The following PCLO variants were observed in gnomAD, a reference collection of about 807,000 sequenced individuals.
PCLO encodes the protein protein piccolo.
Under a neutral mutation model 427.5 loss-of-function variants are expected in PCLO, and 82 were observed. The ratio of observed to expected loss-of-function variants is 0.19; its 90% CI spans 0.16 to 0.23. PCLO has a LOEUF of 0.23. Among genes scored for constraint, PCLO ranks in the 10% least tolerant of loss-of-function variants. The pLI, the probability that PCLO is intolerant of heterozygous loss-of-function variation, is 1.00. For synonymous variants in PCLO, 2,357 were observed against 2,155.4 expected (o/e 1.09, Z -2.59); for missense variants, 6,239 against 6,115.9 (o/e 1.02, Z -0.67).
chr7:82,890,776 G>A (rs368305499), intron 9 of PCLO, among the ~76,000 whole-genome samples: 3 of 151,664 alleles, frequency 2.0e-5, no homozygotes, highest in African/African-American at 7.2e-5. Flanking sequence ...TTCTATTTTA[G>A]GCTTGTAGAT....
intron 22 of PCLO, among the ~76,000 whole-genome samples, chr7:82,781,135 G>T (rs1790863592): frequency 6.6e-6 from 1 of 151,382 alleles, no homozygotes; most frequent in Non-Finnish European, 1.5e-5. Flanking sequence ...AAAATCAATA[G>T]ATTTAAAAAA....
chr7:82,900,850 T>C (rs1794021006), intron 9 of PCLO, among the ~76,000 whole-genome samples: 1 of 151,716 alleles, frequency 6.6e-6, no homozygotes, highest in African/African-American at 2.4e-5. Flanking sequence ...GGGCAAAGAG[T>C]GGGCAAAAGG....
intron 3 of PCLO, among the ~76,000 whole-genome samples, chr7:82,980,588 A>G (rs749511352): frequency 2.0e-5 from 3 of 152,202 alleles, no homozygotes; most frequent in Non-Finnish European, 4.4e-5. Flanking sequence ...AATTTAAAAT[A>G]GAATTCCCAT....
chr7:82,780,394 A>G (rs1424537225), intron 22 of PCLO, among the ~76,000 whole-genome samples: 2 of 152,146 alleles, frequency 1.3e-5, no homozygotes, highest in Non-Finnish European at 2.9e-5. Context: ...TCCTTTGAAA[A>G]CCTGCTATCA....
chr7:83,115,246 A>C (rs1466022635), intron 3 of PCLO, among the ~76,000 whole-genome samples: 1 of 152,086 alleles, frequency 6.6e-6, no homozygotes, highest in Non-Finnish European at 1.5e-5. Context: ...GAGTAATTCT[A>C]TTTTTAGCAG....
chr7:82,786,230 T>G (rs1191184511), intron 22 of PCLO, among the ~76,000 whole-genome samples: 4 of 152,100 alleles, frequency 2.6e-5, no homozygotes, highest in Non-Finnish European at 5.9e-5. Flanking sequence ...GAGACAGTGA[T>G]TAGAAGAATA....
chr7:83,079,270 C>A (rs1368599775), intron 3 of PCLO, among the ~76,000 whole-genome samples: 1 of 152,112 alleles, frequency 6.6e-6, no homozygotes, highest in Non-Finnish European at 1.5e-5. Flanking sequence ...TCACTTAAAA[C>A]CAACATAAAA....
intron 3 of PCLO, among the ~76,000 whole-genome samples, chr7:83,031,211 A>G (rs990246391): frequency 1.3e-5 from 2 of 152,320 alleles, no homozygotes; most frequent in South Asian, 4.1e-4. Flanking sequence ...AACTATATCA[A>G]TTTAACAATT....
chr7:83,023,136 A>G (rs1233212181), intron 3 of PCLO, among the ~76,000 whole-genome samples: 1 of 152,216 alleles, frequency 6.6e-6, no homozygotes, highest in Non-Finnish European at 1.5e-5. Flanking sequence ...AAAAAAAGTC[A>G]ATTTTAAAAC....
At chr7:83,025,978 C>G (rs890924482) in intron 3 of PCLO, among the ~76,000 whole-genome samples, 20 of 151,944 alleles carry the variant, frequency 1.3e-4, no homozygotes, top group African/African-American at 3.6e-4. Context: ...AAGGAACAAC[C>G]GGTACCAGCC....
Position 82,966,440 on chromosome 7 carries a change from T to A in PCLO, c.3348A>T (p.Ser1116=). The A allele has an allele frequency of 6.2e-7, 1 of 1,601,482 alleles. No individual in the cohort carries two copies. Residue 1116 remains serine, a synonymous_variant, in exon 4 of 25, where the codon TCA becomes TCT. Coordinates refer to ENST00000333891, the MANE Select transcript of PCLO (RefSeq NM_033026.6). ...TTTTGCGTATGTCTCCAAGCTGTCCTGATATTGCTCTCTGGGTTTGGCAAT... is the reference window on the plus strand; with the variant it reads ...TTTTGCGTATGTCTCCAAGCTGTCCAGATATTGCTCTCTGGGTTTGGCAAT... The part of the protein sequence containing the change: ...CLNCQTQRAI[S]GQLGDIRKMP...
chr7:82,972,552 T>G (rs1795929559), intron 3 of PCLO, among the ~76,000 whole-genome samples: 1 of 152,074 alleles, frequency 6.6e-6, no homozygotes, highest in Non-Finnish European at 1.5e-5. Flanking sequence ...CATTCATATT[T>G]GTGTTGGAGA....
rs914950944 is a variant in PCLO, at chr7:82,757,234, C to T, written c.*1341G>A. The T allele has an allele frequency of 9.2e-5, 14 of 152,116 alleles. No homozygotes were observed. The highest frequency in any genetic ancestry group is 2.6e-4 in the Admixed American group (4 of 15,262). 9.4% of individuals were successfully genotyped at this position (152,116 alleles called of 1,614,324 possible). On this transcript the variant is annotated 3_prime_UTR_variant, in exon 25 of 25. Transcript: ENST00000333891. ...GCTGAGTGTTTTTTCCACAACTTCA[C>T]GTTACTTCCTTAATTAATAATGCTG...
intron 20 of PCLO, chr7:82,821,512 T>A (rs1168887594): frequency 1.0e-6 from 1 of 984,962 alleles, no homozygotes; most frequent in African/African-American, 1.7e-5. Context: ...CAATGATCTA[T>A]CTCCATTGCC....
intron 3 of PCLO, among the ~76,000 whole-genome samples, chr7:83,097,069 C>A (rs1443734626): frequency 1.7e-5 from 1 of 57,864 alleles, no homozygotes; most frequent in Non-Finnish European, 2.8e-5. Context: ...ATACATTATA[C>A]ATTATATAAA....
At chr7:82,833,295 T>C (rs1302488462) in intron 16 of PCLO, among the ~76,000 whole-genome samples, 2 of 152,140 alleles carry the variant, frequency 1.3e-5, no homozygotes, top group African/African-American at 4.8e-5. Context: ...CATAACAAAA[T>C]CTCAGTAATG....
At chr7:82,822,448 G>C in intron 20 of PCLO, 47 bp downstream of exon 20, 1 of 1,612,842 alleles carries the variant, frequency 6.2e-7, no homozygotes, top group African/African-American at 1.3e-5. Context: ...AAAGGCAACA[G>C]ATGAACATTA....
intron 3 of PCLO, among the ~76,000 whole-genome samples, chr7:83,065,587 A>G (rs957019679): frequency 6.6e-6 from 1 of 151,866 alleles, no homozygotes. Flanking sequence ...CTCCTGTCTC[A>G]TAAAAATTCT....
At position 82,952,149 on chromosome 7, in the gene PCLO, C is replaced by T; in HGVS notation, c.8804G>A (p.Gly2935Glu). The T allele has an allele frequency of 6.2e-7, 1 of 1,603,808 alleles. No individual in the cohort carries two copies. The highest frequency in any genetic ancestry group is 8.5e-7 in the Non-Finnish European group (1 of 1,177,598). ...CACATCACAGCACACAGCTCTTCTC[C>T]CTGCGGTTAAATCAACGGGTTTTTC... Reference protein sequence around the residue: ...EDEKPVDLTAGRRAVCCDVVY... With the variant: ...EDEKPVDLTAERRAVCCDVVY... Residue 2935 changes from glycine to glutamate, a missense_variant, in exon 5 of 25, where the codon GGG (glycine) becomes GAG (glutamate). Transcript: ENST00000333891.
Sources: allele counts gnomAD v4.1 joint callset (sites outside exome capture counted in the v4.1 genomes callset), GRCh38; gene constraint gnomAD v4.1.1; transcripts MANE v1.5; gene names NCBI Gene and HGNC (gene_info 2026-07-23, HGNC 2026-07-21).